TIAM2: variants seen among roughly 807,000 people sequenced by gnomAD.
The protein encoded by TIAM2 is rho guanine nucleotide exchange factor TIAM2.
TIAM2 carries 80 observed loss-of-function variants against 152.9 expected under a neutral mutation model. The ratio of observed to expected loss-of-function variants is 0.52; its 90% CI spans 0.44 to 0.63. TIAM2 has a LOEUF of 0.63. Among genes scored for constraint, TIAM2 ranks in the 30% least tolerant of loss-of-function variants. TIAM2 has a pLI of 0.00. For missense variants in TIAM2, 1,965 were observed against 2,120.1 expected (o/e 0.93, Z 1.44); for synonymous variants, 804 against 838.0 (o/e 0.96, Z 0.70).
At chr6:155,071,146 T>G (rs1777829936) in intron 1 of TIAM2, among the ~76,000 whole-genome samples, 1 of 151,590 alleles carries the variant, frequency 6.6e-6, no homozygotes, top group Non-Finnish European at 1.5e-5. Flanking sequence ...GCGCTCCAGC[T>G]TAGGCAACAG....
chr6:155,242,915 T>A (rs761189681), intron 16 of TIAM2, among the ~76,000 whole-genome samples: 1 of 62,892 alleles, frequency 1.6e-5, no homozygotes, highest in Non-Finnish European at 4.2e-5. Context: ...TTTTTTTTTC[T>A]TTTTTTTAGT....
At chr6:155,246,800 GGTAA>G (rs774927700) in intron 19 of TIAM2, among the ~76,000 whole-genome samples, 7 of 152,194 alleles carry the variant, frequency 4.6e-5, no homozygotes, top group Non-Finnish European at 7.3e-5. Flanking sequence ...TACTTGGCCT[GGTAA>G]TCACATTCAA....
chr6:155,119,902 C>T (rs946938902), intron 2 of TIAM2, among the ~76,000 whole-genome samples: 2 of 152,210 alleles, frequency 1.3e-5, no homozygotes, highest in Non-Finnish European at 2.9e-5. Context: ...ATTTTCCGTT[C>T]TGCTAGTCTC....
At chr6:155,146,394 A>G (rs1779819226) in intron 6 of TIAM2, among the ~76,000 whole-genome samples, 3 of 152,076 alleles carry the variant, frequency 2.0e-5, no homozygotes, top group Non-Finnish European at 4.4e-5. Context: ...AACAACAACA[A>G]CAGAATTTTC....
At chr6:155,019,500 T>C (rs1368334269) in intron 1 of TIAM2, among the ~76,000 whole-genome samples, 1 of 152,190 alleles carries the variant, frequency 6.6e-6, no homozygotes, top group African/African-American at 2.4e-5. Context: ...AACGAATGAT[T>C]AAATGAAACT....
chr6:155,132,056 C>T (rs1779461936), intron 4 of TIAM2, among the ~76,000 whole-genome samples: 1 of 151,306 alleles, frequency 6.6e-6, no homozygotes, highest in Admixed American at 6.6e-5. Context: ...AGTGGCTTAT[C>T]CACCAGGAAG....
At position 155,082,052 on chromosome 6, in the gene TIAM2, C is replaced by T. The variant is rs184899641; in HGVS notation, c.-208-8237C>T. Among the ~76,000 whole-genome samples, 17 of 152,178 alleles carry T rather than the reference C, an allele frequency of 1.1e-4. No homozygotes were observed. The East Asian group carries it at 2.9e-3, about 26-fold the overall frequency. On this transcript the variant is annotated intron_variant, in intron 1 of 26. Transcript: ENST00000682666. ...GATGGGGTAAAGAAAAGGATAATAT[C>T]GTACTAATAGGCCAGGCGCAGTCGC...
chr6:155,169,136 C>G lies in TIAM2; in HGVS notation c.2361+3727C>G, dbSNP rs3763203. Among the ~76,000 whole-genome samples, 228 of 152,294 alleles carry G rather than the reference C, an allele frequency of 1.5e-3. 4 individuals carry two copies. In the East Asian group the frequency reaches 0.037, roughly 25 times the overall value. ...TCAGCCTCCCGAGTAGCTGGGACTA[C>G]AGGCGCCCGCCACCACGCCCGGCTA... On this transcript the variant is annotated intron_variant, in intron 9 of 26. Coordinates refer to ENST00000682666, the MANE Select transcript of TIAM2 (RefSeq NM_012454.4).
chr6:154,996,216 T>C (rs1482129155), intron 1 of TIAM2, among the ~76,000 whole-genome samples: 3 of 152,244 alleles, frequency 2.0e-5, no homozygotes, highest in South Asian at 2.1e-4. Context: ...GGGAGTAACA[T>C]TGCACGAGGT....
At chr6:155,130,457 T>C (rs1446267015) in intron 4 of TIAM2, 40 bp downstream of exon 4, 3 of 1,562,360 alleles carry the variant, frequency 1.9e-6, no homozygotes, top group Non-Finnish European at 1.7e-6. Context: ...TCCCCACAGT[T>C]TCCCCACCTG....
chr6:155,016,483 A>C (rs1778585250), intron 1 of TIAM2: 1 of 125,254 alleles, frequency 8.0e-6, no homozygotes, highest in African/African-American at 2.8e-5. Context: ...ACTATATTTA[A>C]ATTTAAATGT....
chr6:155,133,067 G>A (rs943487427), intron 4 of TIAM2, among the ~76,000 whole-genome samples: 9 of 152,272 alleles, frequency 5.9e-5, no homozygotes, highest in African/African-American at 1.9e-4. Flanking sequence ...AAAACAAACC[G>A]GTTAGGGCCG....
Position 155,114,338 on chromosome 6 carries a change from A to G in TIAM2, c.-117-13152A>G, listed in dbSNP as rs181582397. Reference sequence around the variant, plus strand: ...CCAAAGTGTTGGGATTACAGGCGTGAGCCACCGTGCCCTGCCATGATACAT... The same window carrying G: ...CCAAAGTGTTGGGATTACAGGCGTGGGCCACCGTGCCCTGCCATGATACAT... On this transcript the variant is annotated intron_variant, in intron 2 of 26. Coordinates refer to ENST00000682666, the MANE Select transcript of TIAM2 (RefSeq NM_012454.4). Among the ~76,000 whole-genome samples the G allele has an allele frequency of 8.6e-5, 13 of 152,040 alleles. No homozygotes were observed. The East Asian group carries it at 1.9e-3, about 23-fold the overall frequency.
intron 1 of TIAM2, among the ~76,000 whole-genome samples, chr6:155,044,868 A>G (rs1777131408): frequency 6.6e-6 from 1 of 151,428 alleles, no homozygotes; most frequent in Admixed American, 6.6e-5. Context: ...CGAATATATT[A>G]TCCCTCTCTA....
intron 6 of TIAM2, among the ~76,000 whole-genome samples, chr6:155,147,607 T>C (rs1288665632): frequency 6.6e-6 from 1 of 152,208 alleles, no homozygotes; most frequent in Non-Finnish European, 1.5e-5. Flanking sequence ...TGTCTCAGCC[T>C]CCCAAGTAGC....
chr6:155,019,511 C>G (rs1472466161), intron 1 of TIAM2, among the ~76,000 whole-genome samples: 1 of 152,120 alleles, frequency 6.6e-6, no homozygotes, highest in Non-Finnish European at 1.5e-5. Context: ...AAATGAAACT[C>G]TTAGTTTTGG....
intron 1 of TIAM2, among the ~76,000 whole-genome samples, chr6:155,034,413 C>T (rs1197474507): frequency 2.0e-5 from 3 of 152,074 alleles, no homozygotes; most frequent in Non-Finnish European, 4.4e-5. Flanking sequence ...CACCACCATG[C>T]CCGGCTAATT....
intron 4 of TIAM2, among the ~76,000 whole-genome samples, chr6:155,130,830 A>G (rs1779429406): frequency 6.6e-6 from 1 of 152,178 alleles, no homozygotes; most frequent in African/African-American, 2.4e-5. Context: ...CAGAGAGAGC[A>G]GGAGGTCTAG....
At chr6:155,231,802 T>C (rs1005340468) in intron 15 of TIAM2, among the ~76,000 whole-genome samples, 2 of 152,236 alleles carry the variant, frequency 1.3e-5, no homozygotes, top group Non-Finnish European at 2.9e-5. Context: ...GTGTTGGGCA[T>C]GGTGGCTTGC....
Sources: gnomAD v4.1 joint callset for allele counts (sites outside exome capture counted in the v4.1 genomes callset) on GRCh38, gnomAD v4.1.1 for gene constraint, MANE v1.5 for transcripts, NCBI Gene and HGNC (gene_info 2026-07-23, HGNC 2026-07-21) for gene names.